MAGI2: variants seen among roughly 807,000 people sequenced by gnomAD.
MAGI2 encodes membrane associated guanylate kinase, WW and PDZ domain containing 2.
Under a neutral mutation model 133.3 loss-of-function variants are expected in MAGI2, and 35 were observed. That is an observed-to-expected ratio of 0.26 (90% CI 0.20 to 0.35). MAGI2 has a LOEUF of 0.35. Among genes scored for constraint, MAGI2 ranks in the 10% least tolerant of loss-of-function variants. MAGI2 has a pLI of 1.00. For missense variants in MAGI2, 1,636 were observed against 1,863.4 expected (o/e 0.88, Z 2.25); for synonymous variants, 729 against 710.6 (o/e 1.03, Z -0.41).
At chr7:79,175,358 A>C (rs1213145332) in intron 1 of MAGI2, among the ~76,000 whole-genome samples, 2 of 151,908 alleles carry the variant, frequency 1.3e-5, no homozygotes, top group African/African-American at 4.8e-5. Context: ...CTAAAAGGCA[A>C]TTCAGTTTAT....
intron 1 of MAGI2, among the ~76,000 whole-genome samples, chr7:79,386,286 A>C (rs1247125415): frequency 6.6e-6 from 1 of 152,048 alleles, no homozygotes; most frequent in Non-Finnish European, 1.5e-5. Context: ...TAGTGTTGGG[A>C]AACTGTCAGA....
chr7:78,390,780 A>G (rs1025702016), intron 6 of MAGI2, among the ~76,000 whole-genome samples: 1 of 152,142 alleles, frequency 6.6e-6, no homozygotes, highest in Non-Finnish European at 1.5e-5. Flanking sequence ...CACCTCAGTT[A>G]TTTAGCACCA....
chr7:79,368,678 C>G (rs1465419181), intron 1 of MAGI2, among the ~76,000 whole-genome samples: 1 of 151,302 alleles, frequency 6.6e-6, no homozygotes, highest in East Asian at 1.9e-4. Context: ...GAAACCCCGT[C>G]TCTACTAAAA....
intron 1 of MAGI2, chr7:79,410,570 G>A (rs1457767204): frequency 1.3e-5 from 2 of 152,056 alleles, no homozygotes; most frequent in African/African-American, 4.8e-5. Context: ...TCAACAGTTG[G>A]CATGACTAAT....
chr7:78,521,854 T>C (rs1584486159), intron 3 of MAGI2, among the ~76,000 whole-genome samples: 1 of 152,204 alleles, frequency 6.6e-6, no homozygotes, highest in Non-Finnish European at 1.5e-5. Context: ...TGGACTTTAA[T>C]GCTTAGAGAT....
At chr7:78,919,319 C>T (rs148958918) in intron 2 of MAGI2, among the ~76,000 whole-genome samples, 1 of 152,030 alleles carries the variant, frequency 6.6e-6, no homozygotes, top group Admixed American at 6.6e-5. Context: ...TAATATAGAA[C>T]AATAAATCAG....
At chr7:78,401,306 T>C (rs762571508) in intron 6 of MAGI2, among the ~76,000 whole-genome samples, 13 of 152,174 alleles carry the variant, frequency 8.5e-5, no homozygotes, top group Non-Finnish European at 1.8e-4. Flanking sequence ...ACCTTGACCT[T>C]GCCACAGGTA....
chr7:78,385,040 G>A (rs545687821), intron 6 of MAGI2, among the ~76,000 whole-genome samples: 4 of 152,294 alleles, frequency 2.6e-5, no homozygotes, highest in African/African-American at 9.6e-5. Context: ...CATGGATCCT[G>A]AGAGACTTGA....
At chr7:79,011,924 C>CCTTCCTTCCTTCCTTTCTTT (rs1413880167) in intron 1 of MAGI2, among the ~76,000 whole-genome samples, 64 of 121,276 alleles carry the variant, frequency 5.3e-4, no homozygotes, top group African/African-American at 1.5e-3. Flanking sequence ...TTCCTTCCTT[C>CCTTCCTTCCTTCCTTTCTTT]CTTTCTTTCT....
intron 6 of MAGI2, among the ~76,000 whole-genome samples, chr7:78,412,067 GAATA>G: frequency 6.6e-6 from 1 of 151,994 alleles, no homozygotes; most frequent in Non-Finnish European, 1.5e-5. Flanking sequence ...CATTGTAAGA[GAATA>G]ATATGTTTAT....
intron 2 of MAGI2, among the ~76,000 whole-genome samples, chr7:78,902,983 A>AC (rs898448622): frequency 3.3e-5 from 5 of 152,032 alleles, no homozygotes; most frequent in African/African-American, 1.2e-4. Context: ...CCCCCAAATT[A>AC]CCAGGGTCAT....
chr7:78,961,811 G>A (rs918917772), intron 2 of MAGI2, among the ~76,000 whole-genome samples: 3 of 152,080 alleles, frequency 2.0e-5, no homozygotes, highest in Non-Finnish European at 4.4e-5. Context: ...GTCTGTAGTT[G>A]ATACTGTCAT....
intron 3 of MAGI2, among the ~76,000 whole-genome samples, chr7:78,601,523 T>A (rs1805208704): frequency 6.6e-6 from 1 of 152,218 alleles, no homozygotes; most frequent in Admixed American, 6.5e-5. Flanking sequence ...CTGCCTTACC[T>A]CAGGAAATTT....
intron 3 of MAGI2, among the ~76,000 whole-genome samples, chr7:78,568,901 C>A (rs1293198293): frequency 6.6e-6 from 1 of 152,172 alleles, no homozygotes; most frequent in Non-Finnish European, 1.5e-5. Context: ...ATTTCCTGCT[C>A]CAGGCAGCCT....
chr7:78,918,911 C>T (rs1315181030), intron 2 of MAGI2, among the ~76,000 whole-genome samples: 1 of 152,058 alleles, frequency 6.6e-6, no homozygotes, highest in Admixed American at 6.6e-5. Flanking sequence ...CTTATCTGCC[C>T]TTAAAATAGA....
chr7:78,696,170 T>A (rs1817493421), intron 2 of MAGI2, among the ~76,000 whole-genome samples: 2 of 152,164 alleles, frequency 1.3e-5, no homozygotes, highest in Admixed American at 1.3e-4. Context: ...ATTCCTGGCC[T>A]CAAGAGATCC....
intron 1 of MAGI2, among the ~76,000 whole-genome samples, chr7:79,124,124 T>C (rs1470553411): frequency 5.9e-5 from 9 of 152,158 alleles, no homozygotes; most frequent in Non-Finnish European, 1.0e-4. Flanking sequence ...ATTTCTAAAA[T>C]TGGAATGAAA....
At chr7:78,146,713 G>A (rs1823343380) in intron 16 of MAGI2, among the ~76,000 whole-genome samples, 2 of 152,140 alleles carry the variant, frequency 1.3e-5, no homozygotes, top group Admixed American at 1.3e-4. Context: ...TTGGCTCTGA[G>A]TAACTTCTCA....
chr7:78,810,343 G>A (rs1168277705), intron 2 of MAGI2, among the ~76,000 whole-genome samples: 1 of 152,014 alleles, frequency 6.6e-6, no homozygotes, highest in Non-Finnish European at 1.5e-5. Context: ...TTCTCTACTC[G>A]AAAGAATCTA....
Sources: gnomAD v4.1 joint callset for allele counts (sites outside exome capture counted in the v4.1 genomes callset) on GRCh38, gnomAD v4.1.1 for gene constraint, MANE v1.5 for transcripts, NCBI Gene and HGNC (gene_info 2026-07-23, HGNC 2026-07-21) for gene names.